The following TULP4 variants were observed in gnomAD, a reference collection of about 807,000 sequenced individuals.
TULP4 encodes the protein tubby-related protein 4.
Under a neutral mutation model 129.0 loss-of-function variants are expected in TULP4, and 16 were observed. The ratio of observed to expected loss-of-function variants is 0.12; its 90% CI spans 0.08 to 0.19. The LOEUF is 0.19. Among genes scored for constraint, TULP4 ranks in the 10% least tolerant of loss-of-function variants. The probability of loss-of-function intolerance (pLI) is 1.00; values close to 1 mark genes in which losing one functional copy is unlikely to be tolerated. For missense variants in TULP4, 1,842 were observed against 2,059.1 expected (o/e 0.89, Z 2.04); for synonymous variants, 998 against 854.0 (o/e 1.17, Z -2.94).
chr6:158,429,378 A>T (rs1400679046), intron 2 of TULP4, among the ~76,000 whole-genome samples: 1 of 152,226 alleles, frequency 6.6e-6, no homozygotes, highest in East Asian at 1.9e-4. Context: ...ACCTCAAGTA[A>T]TCTGCCTGCC....
chr6:158,261,005 A>G (rs1246841477), intron 1 of TULP4, among the ~76,000 whole-genome samples: 1 of 151,850 alleles, frequency 6.6e-6, no homozygotes, highest in African/African-American at 2.4e-5. Flanking sequence ...TATTTTTAGT[A>G]GAGATGGGGT....
upstream of TULP4, among the ~76,000 whole-genome samples, chr6:158,278,951 T>G (rs201193644): frequency 8.7e-5 from 13 of 149,938 alleles, no homozygotes; most frequent in East Asian, 2.5e-3. Context: ...GTTTTTTTTT[T>G]TTTTTTGAGA....
intron 1 of TULP4, among the ~76,000 whole-genome samples, chr6:158,249,885 A>G (rs755461662): frequency 1.3e-5 from 2 of 152,380 alleles, no homozygotes; most frequent in East Asian, 1.9e-4. Context: ...AAAGTAGTCA[A>G]TGATAGTGAG....
intron 1 of TULP4, chr6:158,237,638 G>C (rs1248893099): frequency 1.8e-5 from 24 of 1,366,662 alleles, no homozygotes; most frequent in African/African-American, 2.9e-5. Context: ...TCTGGATCTG[G>C]GGTAAGTTTT....
At chr6:158,440,317 CAAAAAAAAAAA>C (rs34200003) in intron 3 of TULP4, among the ~76,000 whole-genome samples, 1 of 86,034 alleles carries the variant, frequency 1.2e-5, no homozygotes, top group Non-Finnish European at 2.1e-5. Context: ...GTCCCTGTCT[CAAAAAAAAAAA>C]AAAAAAAAAA....
At chr6:158,355,553 G>A (rs1474426050) in intron 1 of TULP4, among the ~76,000 whole-genome samples, 5 of 152,200 alleles carry the variant, frequency 3.3e-5, no homozygotes, top group African/African-American at 1.2e-4. Flanking sequence ...GTGTAGTGTA[G>A]GTTCTGAATA....
intron 12 of TULP4, among the ~76,000 whole-genome samples, chr6:158,500,247 T>C (rs1780414336): frequency 2.0e-5 from 3 of 152,156 alleles, no homozygotes; most frequent in Non-Finnish European, 1.5e-5. Context: ...CTCTTCTTCC[T>C]TAAAGGGGAA....
chr6:158,389,702 G>A (rs1777541075), intron 1 of TULP4, among the ~76,000 whole-genome samples: 1 of 152,106 alleles, frequency 6.6e-6, no homozygotes, highest in African/African-American at 2.4e-5. Flanking sequence ...CTGGCAAAGA[G>A]GGCTTTTGAC....
At position 158,331,745 on chromosome 6, in the gene TULP4, G is replaced by GTATA. The variant is rs1562523255; in HGVS notation, c.252+17478_252+17479insATAT. Among the ~76,000 whole-genome samples, 30 of 15,728 alleles carry GTATA rather than the reference G, an allele frequency of 1.9e-3. 4 individuals carry two copies. In the South Asian group the frequency reaches 0.024, roughly 12 times the overall value. The allele number at this position is 15,728 out of a possible 152,430, so 10.3% of individuals were successfully genotyped here. A position where few individuals can be genotyped will look rare whatever the true frequency, so the allele number is the denominator to read the frequency against. ...CACACACACATACGTATATATATAC[G>GTATA]TGTATATACACGTGTATATATACAC... is the stretch of plus-strand genomic sequence containing the variant. On this transcript the variant is annotated intron_variant, in intron 1 of 13. Transcript: ENST00000367097.
intron 1 of TULP4, among the ~76,000 whole-genome samples, chr6:158,239,016 G>A (rs1289916215): frequency 7.2e-6 from 1 of 138,034 alleles, no homozygotes; most frequent in Non-Finnish European, 1.6e-5. Flanking sequence ...GGGCAGAGGC[G>A]CCCCTCACCT....
At position 158,349,582 on chromosome 6, in the gene TULP4, C is replaced by T. The variant is rs578094359; in HGVS notation, c.252+35314C>T. ...TGGGTGGCCGGGCAGAGGCGCTCCT[C>T]ACCTCCCAGATAGGGTGGCAGCCGG... On this transcript the variant is annotated intron_variant, in intron 1 of 13. Transcript: ENST00000367097. Among the ~76,000 whole-genome samples, 4 of 145,386 alleles carry T rather than the reference C, an allele frequency of 2.8e-5. No individual in the cohort carries two copies. In the South Asian group the frequency reaches 6.9e-4, roughly 25 times the overall value.
intron 3 of TULP4, among the ~76,000 whole-genome samples, chr6:158,444,007 C>G (rs1014534479): frequency 6.6e-6 from 1 of 151,862 alleles, no homozygotes; most frequent in Non-Finnish European, 1.5e-5. Context: ...ATCACAAGGT[C>G]AGGAGATTGA....
intron 1 of TULP4, among the ~76,000 whole-genome samples, chr6:158,368,083 A>AAAAAAAAAAAAG (rs1776975184): frequency 6.6e-6 from 1 of 150,446 alleles, no homozygotes; most frequent in African/African-American, 2.4e-5. Flanking sequence ...AAAAAAAAAA[A>AAAAAAAAAAAAG]AAAAAGGAGC....
At chr6:158,281,724 A>G (rs1349198602), upstream of TULP4, among the ~76,000 whole-genome samples, 1 of 152,212 alleles carries the variant, frequency 6.6e-6, no homozygotes, top group African/African-American at 2.4e-5. Flanking sequence ...CCCTTAAAAC[A>G]CTGCTTTTAC....
At chr6:158,462,350 C>T (rs992688788) in intron 6 of TULP4, among the ~76,000 whole-genome samples, 4 of 151,388 alleles carry the variant, frequency 2.6e-5, no homozygotes, top group African/African-American at 4.9e-5. Context: ...GAGAGAGACC[C>T]TTACATATGT....
intron 1 of TULP4, among the ~76,000 whole-genome samples, chr6:158,290,125 G>A (rs1016629634): frequency 3.3e-5 from 5 of 151,948 alleles, no homozygotes; most frequent in Non-Finnish European, 7.4e-5. Flanking sequence ...TTGTAGAAAC[G>A]GGGTCCCACT....
intron 6 of TULP4, among the ~76,000 whole-genome samples, chr6:158,477,651 T>C (rs576826704): frequency 1.3e-5 from 2 of 152,318 alleles, no homozygotes; most frequent in East Asian, 3.9e-4. Context: ...AGGAAACGCT[T>C]CTACACTGCT....
At chr6:158,505,694 G>A (rs1780584357) in intron 13 of TULP4, among the ~76,000 whole-genome samples, 1 of 152,178 alleles carries the variant, frequency 6.6e-6, no homozygotes. Context: ...GAACTGGTGA[G>A]GAAGTGGCCA....
intron 8 of TULP4, among the ~76,000 whole-genome samples, chr6:158,485,910 C>T (rs554970778): frequency 6.6e-6 from 1 of 152,362 alleles, no homozygotes; most frequent in African/African-American, 2.4e-5. Context: ...CATAACTTCT[C>T]TAGTTTCACA....
Sources: gnomAD v4.1 joint callset for allele counts (sites outside exome capture counted in the v4.1 genomes callset) on GRCh38, gnomAD v4.1.1 for gene constraint, MANE v1.5 for transcripts, NCBI Gene and HGNC (gene_info 2026-07-23, HGNC 2026-07-21) for gene names.